The following GABBR2 variants were observed in gnomAD, a reference collection of about 807,000 sequenced individuals.
The protein encoded by GABBR2 is G-protein coupled receptor 51.
GABBR2 carries 23 observed loss-of-function variants against 105.6 expected under a neutral mutation model. That is an observed-to-expected ratio of 0.22 (90% confidence interval 0.16 to 0.31). GABBR2 has a LOEUF of 0.31. GABBR2 is among the 10% of genes least tolerant of loss of function. The pLI is 1.00. For missense variants in GABBR2, 734 were observed against 1,245.5 expected (o/e 0.59, Z 6.18); for synonymous variants, 478 against 499.7 (o/e 0.96, Z 0.58).
chr9:98,502,881 C>T (rs909734750), intron 3 of GABBR2, among the ~76,000 whole-genome samples: 2 of 152,246 alleles, frequency 1.3e-5, no homozygotes, highest in African/African-American at 4.8e-5. Context: ...AGAATGGGCT[C>T]TGTTTGTCCC....
chr9:98,536,735 C>A (rs750108038), intron 3 of GABBR2, among the ~76,000 whole-genome samples: 1 of 152,164 alleles, frequency 6.6e-6, no homozygotes, highest in Non-Finnish European at 1.5e-5. Context: ...CTCCCAACAA[C>A]CCTCCAGTTC....
At chr9:98,359,254 C>T (rs1490516395) in intron 13 of GABBR2, among the ~76,000 whole-genome samples, 3 of 151,898 alleles carry the variant, frequency 2.0e-5, no homozygotes, top group Non-Finnish European at 4.4e-5. Flanking sequence ...ACGGTGAAAG[C>T]CTATCTCTAC....
chr9:98,295,973 G>A (rs1471244512), intron 17 of GABBR2, among the ~76,000 whole-genome samples: 1 of 152,218 alleles, frequency 6.6e-6, no homozygotes, highest in Non-Finnish European at 1.5e-5. Flanking sequence ...ACAATCCACT[G>A]TTGATGGAGG....
chr9:98,360,792 C>T (rs1245940046), intron 13 of GABBR2, among the ~76,000 whole-genome samples: 1 of 152,202 alleles, frequency 6.6e-6, no homozygotes, highest in Non-Finnish European at 1.5e-5. Flanking sequence ...CTTCCAGAGT[C>T]TGTTGACTCT....
intron 1 of GABBR2, among the ~76,000 whole-genome samples, chr9:98,693,863 C>T (rs956906312): frequency 2.0e-5 from 3 of 152,232 alleles, no homozygotes; most frequent in African/African-American, 7.2e-5. Flanking sequence ...GCCTTCCAGG[C>T]CACAGCATGC....
At chr9:98,457,747 G>C (rs1826351356) in intron 6 of GABBR2, among the ~76,000 whole-genome samples, 1 of 152,134 alleles carries the variant, frequency 6.6e-6, no homozygotes, top group South Asian at 2.1e-4. Context: ...GATATCCCAG[G>C]CCATTCATCA....
At chr9:98,619,326 G>C (rs1056451476) in intron 1 of GABBR2, among the ~76,000 whole-genome samples, 1 of 151,930 alleles carries the variant, frequency 6.6e-6, no homozygotes, top group Non-Finnish European at 1.5e-5. Context: ...ATTTGAGGGA[G>C]ATTTATAAAA....
chr9:98,392,846 CATCT>C (rs1303014543), intron 9 of GABBR2, among the ~76,000 whole-genome samples: 1 of 152,168 alleles, frequency 6.6e-6, no homozygotes, highest in Non-Finnish European at 1.5e-5. Flanking sequence ...CCCTCCTATA[CATCT>C]ATCTATCCAC....
chr9:98,554,823 CTTTTA>C (rs1287541188), intron 2 of GABBR2, among the ~76,000 whole-genome samples: 5 of 152,108 alleles, frequency 3.3e-5, no homozygotes, highest in African/African-American at 1.2e-4. Context: ...TCCGCAAATC[CTTTTA>C]TTTTAAGTCA....
intron 1 of GABBR2, among the ~76,000 whole-genome samples, chr9:98,653,501 G>A (rs769853585): frequency 1.3e-5 from 2 of 152,182 alleles, no homozygotes; most frequent in East Asian, 1.9e-4. Flanking sequence ...AAGTTAGAGC[G>A]AGATTTAAAG....
intron 11 of GABBR2, among the ~76,000 whole-genome samples, chr9:98,379,348 A>C (rs1831931783): frequency 6.6e-6 from 1 of 152,162 alleles, no homozygotes; most frequent in Admixed American, 6.5e-5. Context: ...GGCTCACTGC[A>C]ACCTCTGCTT....
chr9:98,416,341 A>G (rs1400934350), intron 7 of GABBR2, among the ~76,000 whole-genome samples: 1 of 152,206 alleles, frequency 6.6e-6, no homozygotes, highest in African/African-American at 2.4e-5. Flanking sequence ...GGAGGCCACA[A>G]ATCAGCATGG....
At chr9:98,293,744 A>G (rs776213728) in intron 18 of GABBR2, 41 bp downstream of exon 18, 1 of 1,094,226 alleles carries the variant, frequency 9.1e-7, no homozygotes, top group South Asian at 1.3e-5. Flanking sequence ...GGAGTGACGT[A>G]TTTCTTCTTC....
intron 1 of GABBR2, among the ~76,000 whole-genome samples, chr9:98,617,788 G>A (rs900931854): frequency 1.3e-5 from 2 of 152,194 alleles, no homozygotes; most frequent in African/African-American, 4.8e-5. Context: ...GCAGAGACAA[G>A]TTCACTGTGG....
At chr9:98,434,704 G>A (rs182579920) in intron 7 of GABBR2, among the ~76,000 whole-genome samples, 4 of 152,252 alleles carry the variant, frequency 2.6e-5, no homozygotes, top group South Asian at 4.1e-4. Context: ...TGAGGTCACC[G>A]CAGCCCTGTA....
At chr9:98,317,823 G>A (rs576488527) in intron 13 of GABBR2, among the ~76,000 whole-genome samples, 5 of 152,270 alleles carry the variant, frequency 3.3e-5, no homozygotes, top group African/African-American at 9.6e-5. Context: ...AACAAACACA[G>A]GCATTCAACA....
At chr9:98,664,747 C>T (rs1240467258) in intron 1 of GABBR2, among the ~76,000 whole-genome samples, 2 of 152,138 alleles carry the variant, frequency 1.3e-5, no homozygotes, top group East Asian at 3.9e-4. Flanking sequence ...GGGAACTAGA[C>T]AAACCCTCCA....
chr9:98,443,916 C>T (rs1315403071), intron 7 of GABBR2, among the ~76,000 whole-genome samples: 1 of 152,208 alleles, frequency 6.6e-6, no homozygotes, highest in African/African-American at 2.4e-5. Flanking sequence ...CAAAACCTTA[C>T]ATCTTACTAC....
At chr9:98,293,574 T>C (rs908840129) in intron 18 of GABBR2, among the ~76,000 whole-genome samples, 1 of 152,262 alleles carries the variant, frequency 6.6e-6, no homozygotes, top group Non-Finnish European at 1.5e-5. Flanking sequence ...TTCCTGCATG[T>C]AGCAATTGAG....
Sources: gnomAD v4.1 joint callset for allele counts (sites outside exome capture counted in the v4.1 genomes callset) on GRCh38, gnomAD v4.1.1 for gene constraint, MANE v1.5 for transcripts, NCBI Gene and HGNC (gene_info 2026-07-23, HGNC 2026-07-21) for gene names.